The following GFRA3 variants were observed in gnomAD, a reference collection of about 807,000 sequenced individuals.
GFRA3 encodes the protein GDNF family receptor alpha-3.
A neutral mutation model predicts 40.0 loss-of-function variants in GFRA3; 24 were observed. The observed-to-expected ratio is 0.60, with a 90% confidence interval of 0.43 to 0.84. The LOEUF (loss-of-function observed/expected upper bound fraction) is 0.84. Among genes scored for constraint, GFRA3 ranks in the 40% least tolerant of loss-of-function variants. The probability of loss-of-function intolerance (pLI) is 0.00; values close to 1 mark genes in which losing one functional copy is unlikely to be tolerated. For synonymous variants in GFRA3, 203 were observed against 213.5 expected, an observed-to-expected ratio of 0.95 and a Z score of 0.43; for missense variants, 405 against 530.6, an observed-to-expected ratio of 0.76 and a Z score of 2.33.
At chr5:138,264,661 G>C in intron 1 of GFRA3, 113 bp from the exon 2 acceptor site, 2 of 699,422 alleles carry the variant, frequency 2.9e-6, no homozygotes, top group South Asian at 1.9e-5. Flanking sequence ...GAAAGTCTTA[G>C]GGTAGCACAA....
chr5:138,270,856 C>T (rs1047553439), intron 1 of GFRA3, among the ~76,000 whole-genome samples: 1 of 151,804 alleles, frequency 6.6e-6, no homozygotes. Context: ...ATATATTTAC[C>T]AAAAGGGGAA....
At chr5:138,271,093 A>G (rs1217956776) in intron 1 of GFRA3, among the ~76,000 whole-genome samples, 1 of 151,980 alleles carries the variant, frequency 6.6e-6, no homozygotes, top group Non-Finnish European at 1.5e-5. Flanking sequence ...CCCGGGTTCA[A>G]GCGATTCTCC....
chr5:138,258,474 G>A (rs898490703), intron 3 of GFRA3, among the ~76,000 whole-genome samples: 1 of 151,946 alleles, frequency 6.6e-6, no homozygotes, highest in Non-Finnish European at 1.5e-5. Context: ...GAACCGCCGC[G>A]CCCGGCACAA....
chr5:138,266,230 C>T (rs1236827943), intron 1 of GFRA3, among the ~76,000 whole-genome samples: 3 of 152,068 alleles, frequency 2.0e-5, no homozygotes, highest in African/African-American at 7.2e-5. Flanking sequence ...CTATGTTTAA[C>T]TTTTTGAGGA....
chr5:138,262,826 C>A (rs761844207), intron 2 of GFRA3, among the ~76,000 whole-genome samples: 2 of 151,906 alleles, frequency 1.3e-5, no homozygotes, highest in African/African-American at 4.8e-5. Context: ...ATGCTGAGTA[C>A]GTATAGGAAG....
intron 1 of GFRA3, among the ~76,000 whole-genome samples, chr5:138,269,468 G>A (rs1755834817): frequency 1.3e-5 from 2 of 151,746 alleles, no homozygotes; most frequent in Admixed American, 6.6e-5. Context: ...CCCAGGAGGC[G>A]GAGGTTTCAG....
rs1755588153 is a variant in GFRA3 at position 138,253,919 on chromosome 5, T to C, written c.890-19A>G. 5 of 1,611,548 alleles carry C rather than the reference T, an allele frequency of 3.1e-6. No individual in the cohort carries two copies. The Admixed American group carries it at 5.0e-5, about 16-fold the overall frequency. ...GCAGTCCCTGTGAAGAGGGAAAGGG[T>C]AGTCAAGGCCTAGGCTAACCCTAAC... On this transcript the variant is annotated intron_variant, in intron 5 of 7. Coordinates refer to ENST00000274721, the MANE Select transcript of GFRA3 (RefSeq NM_001496.4).
At position 138,260,858 on chromosome 5, in the gene GFRA3, T is replaced by A. The variant is rs572087869; in HGVS notation, c.380-1209A>T. Among the ~76,000 whole-genome samples the A allele has an allele frequency of 1.1e-4, 16 of 151,182 alleles. No individual in the cohort carries two copies. The South Asian group carries it at 2.7e-3, about 26-fold the overall frequency. On this transcript the variant is annotated intron_variant, in intron 2 of 7. Coordinates refer to ENST00000274721, the MANE Select transcript of GFRA3 (RefSeq NM_001496.4). ...GCCTGGAGAACACAGCAGGACTTCA[T>A]CTCTACAAAAAATTTAGCTGGGTCC...
rs1279060938 is a variant in GFRA3 at position 138,274,582 on chromosome 5, C to G, written c.-158G>C. ...GGTCCTGGGCGCCGCCCTCCAACTCCGAAGCGCGCGTCCACACCACGCGCC... is the reference window on the plus strand; with the variant it reads ...GGTCCTGGGCGCCGCCCTCCAACTCGGAAGCGCGCGTCCACACCACGCGCC... On this transcript the variant is annotated 5_prime_UTR_variant, in exon 1 of 8. Coordinates refer to ENST00000274721, the MANE Select transcript of GFRA3 (RefSeq NM_001496.4). 4 of 1,226,578 alleles carry G rather than the reference C, an allele frequency of 3.3e-6. No homozygotes were observed. The highest frequency in any genetic ancestry group is 8.5e-5 in the South Asian group (2 of 23,572). 76.0% of individuals were successfully genotyped at this position (1,226,578 alleles called of 1,614,324 possible). A position where few individuals can be genotyped will look rare whatever the true frequency, so the allele number is the denominator to read the frequency against.
chr5:138,254,172 G>T lies in GFRA3; in HGVS notation c.786-12C>A. On this transcript the variant is annotated splice_polypyrimidine_tract_variant and intron_variant, in intron 4 of 7. Transcript: ENST00000274721. ...CCACCAGGCGTGATCTGGAAGAAGG[G>T]AAATTTCTGTCTTTCTTTTTTTTTT... 1 of 1,451,716 alleles carries T rather than the reference G, an allele frequency of 6.9e-7. No individual in the cohort carries two copies. The highest frequency in any genetic ancestry group is 9.7e-7 in the Non-Finnish European group (1 of 1,035,312). The allele number at this position is 1,451,716 out of a possible 1,614,324, so 89.9% of individuals were successfully genotyped here.
At chr5:138,270,358 C>T (rs866183959) in intron 1 of GFRA3, among the ~76,000 whole-genome samples, 12 of 150,320 alleles carry the variant, frequency 8.0e-5, no homozygotes, top group Middle Eastern at 3.4e-3. Context: ...GGCGACAGAG[C>T]CAGACTCCGT....
intron 4 of GFRA3, among the ~76,000 whole-genome samples, chr5:138,256,822 C>T (rs1755638427): frequency 6.6e-6 from 1 of 151,746 alleles, no homozygotes; most frequent in Admixed American, 6.6e-5. Flanking sequence ...TGGCACAAGC[C>T]TGTAGTCCTA....
chr5:138,264,230 AG>A (rs1292139663), intron 2 of GFRA3, 30 bp downstream of exon 2: 8 of 1,535,618 alleles, frequency 5.2e-6, no homozygotes, highest in Non-Finnish European at 7.1e-6. Context: ...CATCTTCCCC[AG>A]CTTAGTCCAC....
chr5:138,254,321 G>A lies in GFRA3; in HGVS notation c.786-161C>T, dbSNP rs6884097. On this transcript the variant is annotated intron_variant, in intron 4 of 7. Coordinates refer to ENST00000274721, the MANE Select transcript of GFRA3 (RefSeq NM_001496.4). ...TCCTGCCTCAGCCTCCCGAGTAGCT[G>A]GGACTACAGTCACGTGCCACCACAC... Among the ~76,000 whole-genome samples the A allele has an allele frequency of 8.9e-3, 1,348 of 151,874 alleles. 17 individuals are homozygous for A. The highest frequency in any genetic ancestry group is 0.031 in the African/African-American group (1,283 of 41,412).
intron 3 of GFRA3, 72 bp downstream of exon 3, chr5:138,259,485 C>T (rs1755681281): frequency 1.3e-6 from 1 of 787,612 alleles, no homozygotes; most frequent in Non-Finnish European, 2.3e-6. Context: ...CCAACTTCTG[C>T]CCCTCCCCAG....
At position 138,258,132 on chromosome 5, in the gene GFRA3, C is replaced by T. The variant is rs533414097; in HGVS notation, c.473-181G>A. ...GCTTCCCCTCTCCCCACAAACTCTA[C>T]CTGCTGTTTTGAAGCCTTCCCCACC... On this transcript the variant is annotated intron_variant, in intron 3 of 7. Transcript: ENST00000274721. Among the ~76,000 whole-genome samples, 4 of 148,306 alleles carry T rather than the reference C, an allele frequency of 2.7e-5. No individual in the cohort carries two copies. In the Admixed American group the frequency reaches 2.7e-4, roughly 10 times the overall value.
Position 138,264,548 on chromosome 5 carries a change from C to T in GFRA3, c.92G>A (p.Gly31Glu). The T allele has an allele frequency of 6.3e-7, 1 of 1,594,802 alleles. No individual in the cohort carries two copies. The highest frequency in any genetic ancestry group is 8.6e-7 in the Non-Finnish European group (1 of 1,168,564). The change falls in exon 2 of 8, where the codon GGA (glycine) becomes GAA (glutamate). Residue 31 changes from glycine (G) to glutamate (E), a missense_variant and splice_region_variant. By Grantham distance (98) the Gly-to-Glu change is moderately conservative. Transcript: ENST00000274721. ...TCGGCTTTCTGTGGGAAGGGGGTCTCCTGTAAAGGGAGATACCAGGTGAGG... is the reference window on the plus strand; with the variant it reads ...TCGGCTTTCTGTGGGAAGGGGGTCTTCTGTAAAGGGAGATACCAGGTGAGG... ...LPPSPLPLAA[G>E]DPLPTESRLM...
chr5:138,255,648 C>T (rs1489123124), intron 4 of GFRA3, among the ~76,000 whole-genome samples: 1 of 152,090 alleles, frequency 6.6e-6, no homozygotes. Context: ...CCTATAATCC[C>T]AGCACTTTGG....
At chr5:138,253,449 G>A (rs1172992471) in intron 6 of GFRA3, 74 bp from the exon 7 acceptor site, 3 of 976,812 alleles carry the variant, frequency 3.1e-6, no homozygotes, top group East Asian at 5.2e-5. Flanking sequence ...GGAAGGAAAG[G>A]GAATGCCACA....
Sources: gnomAD v4.1 joint callset for allele counts (sites outside exome capture counted in the v4.1 genomes callset) on GRCh38, gnomAD v4.1.1 for gene constraint, MANE v1.5 for transcripts, NCBI Gene and HGNC (gene_info 2026-07-23, HGNC 2026-07-21) for gene names.